Variants in CHD6 observed in about 807,000 individuals in gnomAD.
The protein encoded by CHD6 is ATP-dependent chromatin remodeler CHD6.
Under a neutral mutation model 276.9 loss-of-function variants are expected in CHD6, and 50 were observed. The observed-to-expected ratio is 0.18, with a 90% CI of 0.14 to 0.23. The LOEUF is 0.23. CHD6 is among the 10% of genes least tolerant of loss of function. CHD6 has a pLI of 1.00. For synonymous variants in CHD6, 1,173 were observed against 1,229.3 expected, an observed-to-expected ratio of 0.95 and a Z score of 0.96; for missense variants, 2,564 against 3,365.8, an observed-to-expected ratio of 0.76 and a Z score of 5.89.
rs2047165211 is a variant in CHD6, at chr20:41,420,855, T to C, written c.5780A>G (p.Gln1927Arg). The change falls in exon 31 of 37, where the codon CAG becomes CGG. Residue 1927 changes from glutamine to arginine, a missense_variant. Coordinates refer to ENST00000373233, the MANE Select transcript of CHD6 (RefSeq NM_032221.5). ...GGCTGCTGGAGCGGGGAAAGCCCTCTGTAGCCCAGGAGTCTGGTTTGCCAC... is the reference window on the plus strand; with the variant it reads ...GGCTGCTGGAGCGGGGAAAGCCCTCCGTAGCCCAGGAGTCTGGTTTGCCAC... ...LEVANQTPGL[Q>R]RAFPAPAACQ... The C allele has an allele frequency of 6.2e-7, 1 of 1,614,122 alleles. No individual in the cohort carries two copies. Among genetic ancestry groups the C allele is most frequent in the Non-Finnish European group, 8.5e-7 (1 of 1,180,052 alleles).
At chr20:41,522,713 A>G (rs2044433713) in intron 3 of CHD6, among the ~76,000 whole-genome samples, 1 of 151,964 alleles carries the variant, frequency 6.6e-6, no homozygotes, top group African/African-American at 2.4e-5. Context: ...ATATAAGTAT[A>G]TATACATATA....
intron 27 of CHD6, among the ~76,000 whole-genome samples, chr20:41,433,679 C>G (rs2145556926): frequency 6.6e-6 from 1 of 152,156 alleles, no homozygotes; most frequent in Admixed American, 6.5e-5. Flanking sequence ...AAAAAGAACA[C>G]AGTAAAAAAA....
At chr20:41,441,473 G>A (rs2047899998) in intron 25 of CHD6, among the ~76,000 whole-genome samples, 2 of 152,068 alleles carry the variant, frequency 1.3e-5, no homozygotes, top group Non-Finnish European at 2.9e-5. Flanking sequence ...TGAAGAGAGG[G>A]GTAATTTAAA....
At chr20:41,498,314 G>C in intron 6 of CHD6, 88 bp from the exon 7 acceptor site, 2 of 880,214 alleles carry the variant, frequency 2.3e-6, no homozygotes, top group Non-Finnish European at 3.6e-6. Flanking sequence ...CAATATCTCT[G>C]CCTGATTTCC....
rs144061503 is a variant in CHD6 at position 41,449,045 on chromosome 20, G to A, written c.3684-1074C>T. On this transcript the variant is annotated intron_variant, in intron 23 of 36. Transcript: ENST00000373233. ...GCCTCCCGAGTAGCTGGGATTACAGGTGCCCACCACCACATTCGGCTAATT... is the reference window on the plus strand; with the variant it reads ...GCCTCCCGAGTAGCTGGGATTACAGATGCCCACCACCACATTCGGCTAATT... 1.9e-4 allele frequency among the ~76,000 whole-genome samples: 29 copies of A among 152,116 alleles called. 1 individual carries two copies. In the East Asian group the frequency reaches 5.6e-3, roughly 29 times the overall value.
intron 36 of CHD6, among the ~76,000 whole-genome samples, chr20:41,410,765 T>C (rs896876136): frequency 1.3e-5 from 2 of 151,760 alleles, no homozygotes; most frequent in African/African-American, 4.8e-5. Context: ...CCAAGGAACA[T>C]GAGGGAAACT....
chr20:41,430,854 ATTTT>A (rs61590579), intron 27 of CHD6, among the ~76,000 whole-genome samples: 3 of 127,606 alleles, frequency 2.4e-5, no homozygotes, highest in South Asian at 2.6e-4. Context: ...CAGAACATGA[ATTTT>A]TTTTTTTTTT....
intron 1 of CHD6, among the ~76,000 whole-genome samples, chr20:41,593,005 C>T (rs2045679506): frequency 6.6e-6 from 1 of 152,048 alleles, no homozygotes; most frequent in Non-Finnish European, 1.5e-5. Flanking sequence ...TAAAAGACTT[C>T]CTTAAACAAG....
Position 41,457,108 on chromosome 20 carries a change from T to C in CHD6, c.2829+156A>G, listed in dbSNP as rs184730155. On this transcript the variant is annotated intron_variant, in intron 18 of 36. Coordinates refer to ENST00000373233, the MANE Select transcript of CHD6 (RefSeq NM_032221.5). ...CCCAGAAAACACAGACACCTGACTC[T>C]TAACGATGCCCTGTTGTAGGGAATT... 6.8e-4 allele frequency among the ~76,000 whole-genome samples: 104 copies of C among 152,298 alleles called. 1 individual carries two copies. The highest frequency in any genetic ancestry group is 4.8e-3 in the South Asian group (23 of 4,812).
At chr20:41,443,642 T>G (rs1195265592) in intron 25 of CHD6, among the ~76,000 whole-genome samples, 1 of 152,184 alleles carries the variant, frequency 6.6e-6, no homozygotes, top group Non-Finnish European at 1.5e-5. Flanking sequence ...CCTCTAAGTC[T>G]CATCTTCTCT....
rs553497953 is a variant in CHD6 at position 41,418,020 on chromosome 20, T to C, written c.6128-671A>G. On this transcript the variant is annotated intron_variant, in intron 31 of 36. Coordinates refer to ENST00000373233, the MANE Select transcript of CHD6 (RefSeq NM_032221.5). ...GGAAAAACACCTAAGGCAGGAAAAG[T>C]TGTTGACCTCTTTCTTGGTTAAATG... Among the ~76,000 whole-genome samples, 6 of 152,292 alleles carry C rather than the reference T, an allele frequency of 3.9e-5. No individual in the cohort carries two copies. The East Asian group carries it at 7.7e-4, about 20-fold the overall frequency.
At chr20:41,551,262 A>T in intron 2 of CHD6, 43 bp downstream of exon 2, 1 of 1,337,946 alleles carries the variant, frequency 7.5e-7, no homozygotes, top group Admixed American at 1.7e-5. Flanking sequence ...AAAAGCACCA[A>T]GATACCCGGA....
chr20:41,452,804 C>G lies in CHD6; in HGVS notation c.3259G>C (p.Asp1087His). ...ERPTRSRRLNDKARRYLRAEC... is the reference protein window; with the variant it reads ...ERPTRSRRLNHKARRYLRAEC... ...GCTCGGAGGTAGCGCCTGGCTTTGT[C>G]ATTGAGGCGCCTGGATCTCGTGGGC... The change falls in exon 21 of 37, where the codon GAC (aspartate) becomes CAC (histidine). Residue 1087 changes from aspartate to histidine, a missense_variant. Around this residue, in one of 7 missense-constraint regions of CHD6, gnomAD observed 515 missense variants for 739.5 expected, o/e 0.70. Coordinates refer to ENST00000373233, the MANE Select transcript of CHD6 (RefSeq NM_032221.5). The surrounding 1 kb of genome is among the most constrained non-coding windows in gnomAD (Gnocchi z 4.2). The G allele has an allele frequency of 1.2e-6, 2 of 1,613,286 alleles. No individual in the cohort carries two copies. The highest frequency in any genetic ancestry group is 1.7e-6 in the Non-Finnish European group (2 of 1,179,882).
At chr20:41,565,348 C>T (rs913967612) in intron 1 of CHD6, among the ~76,000 whole-genome samples, 2 of 152,178 alleles carry the variant, frequency 1.3e-5, no homozygotes, top group East Asian at 3.9e-4. Flanking sequence ...CCCGCCTCGG[C>T]CTCCCAAAGT....
chr20:41,517,366 A>C lies in CHD6; in HGVS notation c.555-2414T>G, dbSNP rs1208955983. ...ACCTGGGGGATGAAATAATCTATAC[A>C]ACCAACCACCATGACATAAGTTTAC... On this transcript the variant is annotated intron_variant, in intron 3 of 36. Coordinates refer to ENST00000373233, the MANE Select transcript of CHD6 (RefSeq NM_032221.5). Among the ~76,000 whole-genome samples the C allele has an allele frequency of 2.6e-5, 4 of 152,162 alleles. No homozygotes were observed. In the East Asian group the frequency reaches 5.8e-4, roughly 22 times the overall value.
intron 27 of CHD6, among the ~76,000 whole-genome samples, chr20:41,434,551 G>A (rs982268310): frequency 2.0e-5 from 3 of 151,990 alleles, no homozygotes; most frequent in African/African-American, 7.3e-5. Context: ...TGTATTTTTC[G>A]TAGAGATGGG....
chr20:41,519,675 A>T (rs2044339154), intron 3 of CHD6, among the ~76,000 whole-genome samples: 1 of 152,210 alleles, frequency 6.6e-6, no homozygotes, highest in Non-Finnish European at 1.5e-5. Flanking sequence ...AAATTAATCC[A>T]AGATGGATTA....
At chr20:41,484,750 T>C in intron 14 of CHD6, 143 bp from the exon 15 acceptor site, 1 of 827,928 alleles carries the variant, frequency 1.2e-6, no homozygotes, top group Non-Finnish European at 1.9e-6. Context: ...GATCGACCCC[T>C]GAAAATGGAG....
intron 17 of CHD6, among the ~76,000 whole-genome samples, chr20:41,472,436 TG>T (rs974140887): frequency 1.3e-5 from 2 of 152,122 alleles, no homozygotes; most frequent in African/African-American, 4.8e-5. Flanking sequence ...ACCTGTATTA[TG>T]AAAAAGGTTT....
Sources: gnomAD v4.1 joint callset for allele counts (sites outside exome capture counted in the v4.1 genomes callset) on GRCh38, gnomAD v4.1.1 for gene constraint, gnomAD v4.1.1 regional missense constraint, Gnocchi (gnomAD v3.1) non-coding constraint, MANE v1.5 for transcripts, NCBI Gene and HGNC (gene_info 2026-07-23, HGNC 2026-07-21) for gene names.